FAM174B: variants seen among roughly 807,000 people sequenced by gnomAD.
The protein encoded by FAM174B is family with sequence similarity 174 member B.
In FAM174B, 12 loss-of-function variants were observed where a neutral mutation model predicts 10.9. The observed-to-expected ratio is 1.10, with a 90% CI of 0.71 to 1.79. The LOEUF (loss-of-function observed/expected upper bound fraction) is 1.79. Among genes scored for constraint, FAM174B ranks in the 40% most tolerant of loss-of-function variants. The pLI, the probability that FAM174B is intolerant of heterozygous loss-of-function variation, is 0.00. For missense variants in FAM174B, 266 were observed against 233.3 expected (o/e 1.14, Z -0.91); for synonymous variants, 132 against 115.8 (o/e 1.14, Z -0.90).
intron 2 of FAM174B, among the ~76,000 whole-genome samples, chr15:92,621,955 C>T (rs753709825): frequency 3.9e-5 from 6 of 152,204 alleles, no homozygotes; most frequent in African/African-American, 1.4e-4. Context: ...GGCACAGGAA[C>T]TGGAGAGGAG....
chr15:92,645,863 T>C (rs2050923378), intron 1 of FAM174B, among the ~76,000 whole-genome samples: 1 of 152,022 alleles, frequency 6.6e-6, no homozygotes, highest in Non-Finnish European at 1.5e-5. Flanking sequence ...ATGTCAGTCC[T>C]CACCACCCAC....
intron 2 of FAM174B, among the ~76,000 whole-genome samples, chr15:92,621,240 AAAAGTATAGGGTG>A (rs1252575728): frequency 1.3e-5 from 2 of 152,242 alleles, no homozygotes; most frequent in Non-Finnish European, 2.9e-5. Flanking sequence ...AATATGAGTT[AAAAGTATAGGGTG>A]TTCCCTACGC....
chr15:92,649,880 T>C (rs2050954112), intron 1 of FAM174B, among the ~76,000 whole-genome samples: 1 of 152,228 alleles, frequency 6.6e-6, no homozygotes, highest in African/African-American at 2.4e-5. Flanking sequence ...TGGCATATAA[T>C]ATCAAACATG....
chr15:92,644,970 CTG>C (rs1381876439), intron 1 of FAM174B, among the ~76,000 whole-genome samples: 2 of 152,220 alleles, frequency 1.3e-5, no homozygotes, highest in Non-Finnish European at 1.5e-5. Context: ...TTTTAAAACA[CTG>C]TGCAGATCAA....
intron 1 of FAM174B, among the ~76,000 whole-genome samples, chr15:92,632,413 T>G (rs1320937122): frequency 6.6e-6 from 1 of 152,188 alleles, no homozygotes; most frequent in Non-Finnish European, 1.5e-5. Flanking sequence ...CATGGTGGCA[T>G]GTGCCTATAG....
chr15:92,640,360 T>C (rs2050882500), intron 1 of FAM174B, among the ~76,000 whole-genome samples: 1 of 151,998 alleles, frequency 6.6e-6, no homozygotes, highest in East Asian at 1.9e-4. Context: ...GAGACCAGCC[T>C]AGCTAACATG....
At chr15:92,652,007 T>C (rs1190634608) in intron 1 of FAM174B, among the ~76,000 whole-genome samples, 1 of 152,218 alleles carries the variant, frequency 6.6e-6, no homozygotes, top group Non-Finnish European at 1.5e-5. Flanking sequence ...TTTATCTACA[T>C]TGTACAAATT....
At chr15:92,635,685 A>G (rs377142333) in intron 1 of FAM174B, among the ~76,000 whole-genome samples, 25 of 151,660 alleles carry the variant, frequency 1.6e-4, no homozygotes, top group East Asian at 9.6e-4. Context: ...GGTTCAAGCA[A>G]TTCTCCCTGC....
chr15:92,630,303 G>A lies in FAM174B; in HGVS notation c.387C>T (p.Ile129=). Residue 129 remains isoleucine, a synonymous_variant, in exon 2 of 3, where the codon ATC becomes ATT. Transcript: ENST00000327355. ...RLKKTRKYDI[I]TTPAERVEMA... ...TTTCCACTCGCTCTGCTGGAGTGGT[G>A]ATGATATCATACTTGCGTGTCTTCT... 1.9e-6 allele frequency: 3 copies of A among 1,613,336 alleles called. No homozygotes were observed. Among genetic ancestry groups the A allele is most frequent in the Non-Finnish European group, 2.5e-6 (3 of 1,179,408 alleles).
At chr15:92,648,330 G>C (rs1057094614) in intron 1 of FAM174B, among the ~76,000 whole-genome samples, 1 of 152,188 alleles carries the variant, frequency 6.6e-6, no homozygotes, top group African/African-American at 2.4e-5. Context: ...ATTATCCTAT[G>C]CCTTAGATTG....
intron 2 of FAM174B, among the ~76,000 whole-genome samples, chr15:92,626,299 C>T (rs927191508): frequency 2.6e-5 from 4 of 151,914 alleles, no homozygotes; most frequent in Non-Finnish European, 5.9e-5. Context: ...AGGGTTTCAC[C>T]GTGTTAGCCA....
Position 92,638,842 on chromosome 15 carries a change from G to A in FAM174B, c.345-8497C>T, listed in dbSNP as rs541208962. The stretch of plus-strand genomic sequence containing the variant: ...CCGAATCCTGCAGCCCCTCTTCATA[G>A]GCACATCCCTGCCACGGGGCACTGT... On this transcript the variant is annotated intron_variant, in intron 1 of 2. Transcript: ENST00000327355. Among the ~76,000 whole-genome samples the A allele has an allele frequency of 2.7e-4, 41 of 152,280 alleles. No homozygotes were observed. The South Asian group carries it at 7.5e-3, about 28-fold the overall frequency.
chr15:92,628,338 C>CTTTTTTTT (rs35251307), intron 2 of FAM174B, among the ~76,000 whole-genome samples: 5 of 84,914 alleles, frequency 5.9e-5, no homozygotes, highest in Non-Finnish European at 1.1e-4. Flanking sequence ...CTAATTTTTG[C>CTTTTTTTT]TTTTTTTTTT....
At position 92,617,650 on chromosome 15, in the gene FAM174B, C is replaced by A. The variant is rs554958668; in HGVS notation, c.*1806G>T. 11 of 664,728 alleles carry A rather than the reference C, an allele frequency of 1.7e-5. No individual in the cohort carries two copies. The highest frequency in any genetic ancestry group is 1.7e-4 in the African/African-American group (9 of 54,444). The allele number at this position is 664,728 out of a possible 1,614,324, so 41.2% of individuals were successfully genotyped here. ...GCAGTTGTCGAAAACCCTGTGTGAG[C>A]CAGCAGTTCCAGTTCAAAGGTTGAG... On this transcript the variant is annotated 3_prime_UTR_variant, in exon 3 of 3. Transcript: ENST00000327355.
chr15:92,628,030 G>A (rs768571113), intron 2 of FAM174B, among the ~76,000 whole-genome samples: 7 of 152,054 alleles, frequency 4.6e-5, no homozygotes, highest in South Asian at 2.1e-4. Flanking sequence ...TAGTATTTGC[G>A]TGTATCCTAT....
At chr15:92,654,407 C>A (rs2050987029) in intron 1 of FAM174B, among the ~76,000 whole-genome samples, 1 of 152,156 alleles carries the variant, frequency 6.6e-6, no homozygotes, top group African/African-American at 2.4e-5. Context: ...AGGTTTGGTT[C>A]ATTTCCTGCA....
rs553513877 is a variant in FAM174B at position 92,637,481 on chromosome 15, C to T, written c.345-7136G>A. 4.6e-5 allele frequency among the ~76,000 whole-genome samples: 7 copies of T among 152,314 alleles called. No homozygotes were observed. The South Asian group carries it at 1.5e-3, about 32-fold the overall frequency. On this transcript the variant is annotated intron_variant, in intron 1 of 2. Coordinates refer to ENST00000327355, the MANE Select transcript of FAM174B (RefSeq NM_207446.3). ...ACAACCTAGCAAACCTTAACTGCCT[C>T]GAGGTCTCAGGGAAGGCACTGCACG... is the stretch of plus-strand genomic sequence containing the variant.
intron 1 of FAM174B, among the ~76,000 whole-genome samples, chr15:92,635,114 TTCTCTGTCTCTC>T (rs2050845268): frequency 1.1e-5 from 1 of 88,120 alleles, no homozygotes. Flanking sequence ...CTCTCTCTCT[TTCTCTGTCTCTC>T]TCTCTCTCTC....
At chr15:92,641,752 G>T (rs1385348274) in intron 1 of FAM174B, among the ~76,000 whole-genome samples, 1 of 151,960 alleles carries the variant, frequency 6.6e-6, no homozygotes, top group East Asian at 1.9e-4. Flanking sequence ...CACTAGATTA[G>T]ACAATGGCTT....
Sources: allele counts gnomAD v4.1 joint callset (sites outside exome capture counted in the v4.1 genomes callset), GRCh38; gene constraint gnomAD v4.1.1; transcripts MANE v1.5; gene names NCBI Gene and HGNC (gene_info 2026-07-23, HGNC 2026-07-21).